Variants in CFAP61 observed in about 807,000 individuals in gnomAD.
The protein encoded by CFAP61 is cilia- and flagella-associated protein 61.
CFAP61 carries 107 observed loss-of-function variants against 135.6 expected under a neutral mutation model. The observed-to-expected ratio is 0.79, with a 90% CI of 0.67 to 0.93. CFAP61 has a LOEUF of 0.93. CFAP61 is among the 40% of genes least tolerant of loss of function. CFAP61 has a pLI of 0.00. For missense variants in CFAP61, 1,507 were observed against 1,556.2 expected (o/e 0.97, Z 0.53); for synonymous variants, 575 against 578.5 (o/e 0.99, Z 0.09).
At chr20:20,083,334 G>T (rs545648258) in intron 6 of CFAP61, among the ~76,000 whole-genome samples, 2 of 151,844 alleles carry the variant, frequency 1.3e-5, no homozygotes, top group Admixed American at 1.3e-4. Flanking sequence ...GACCGTGGGG[G>T]CTGGGGAGGG....
At chr20:20,191,772 C>T (rs933201891) in intron 15 of CFAP61, among the ~76,000 whole-genome samples, 2 of 150,778 alleles carry the variant, frequency 1.3e-5, no homozygotes, top group Non-Finnish European at 2.9e-5. Context: ...CTTCTTTGCA[C>T]TTTATTACAT....
intron 7 of CFAP61, among the ~76,000 whole-genome samples, chr20:20,092,237 G>T (rs2047253880): frequency 6.6e-6 from 1 of 152,160 alleles, no homozygotes; most frequent in African/African-American, 2.4e-5. Flanking sequence ...CTCATGATTT[G>T]ATTCAAGTTA....
chr20:20,157,281 C>G (rs920292808), intron 9 of CFAP61, among the ~76,000 whole-genome samples: 2 of 152,098 alleles, frequency 1.3e-5, no homozygotes, highest in African/African-American at 2.4e-5. Flanking sequence ...CTATGTTGGC[C>G]AGGCTGGTCT....
intron 17 of CFAP61, among the ~76,000 whole-genome samples, chr20:20,205,029 AT>A (rs2056797196): frequency 6.6e-6 from 1 of 152,010 alleles, no homozygotes; most frequent in South Asian, 2.1e-4. Flanking sequence ...TTCTGTGGCC[AT>A]TTCTTTCCAA....
intron 12 of CFAP61, among the ~76,000 whole-genome samples, chr20:20,168,223 C>A (rs2053972098): frequency 1.3e-5 from 2 of 151,904 alleles, no homozygotes; most frequent in African/African-American, 4.8e-5. Flanking sequence ...CCACCATGCC[C>A]AGCTAATTAA....
At chr20:20,121,208 C>A (rs1174148021) in intron 8 of CFAP61, among the ~76,000 whole-genome samples, 9 of 147,662 alleles carry the variant, frequency 6.1e-5, no homozygotes, top group Non-Finnish European at 1.3e-4. Context: ...CAGGCTCAAG[C>A]AATCCTCCCA....
At chr20:20,281,826 C>G (rs191005154) in intron 22 of CFAP61, among the ~76,000 whole-genome samples, 1 of 152,164 alleles carries the variant, frequency 6.6e-6, no homozygotes, top group East Asian at 1.9e-4. Context: ...AAAGTTTGTG[C>G]AAGATTGGTA....
chr20:20,091,736 G>A (rs1466640179), intron 7 of CFAP61, among the ~76,000 whole-genome samples: 6 of 152,168 alleles, frequency 3.9e-5, no homozygotes, highest in Non-Finnish European at 8.8e-5. Context: ...GGAGTGCACT[G>A]TCATGATCTC....
intron 25 of CFAP61, among the ~76,000 whole-genome samples, chr20:20,314,885 C>T (rs1601961045): frequency 7.4e-6 from 1 of 135,542 alleles, no homozygotes; most frequent in African/African-American, 3.0e-5. Flanking sequence ...TTTATGGCTG[C>T]ATAGTATTCC....
intron 1 of CFAP61, chr20:20,056,008 C>T (rs1351158586): frequency 6.2e-7 from 1 of 1,607,066 alleles, no homozygotes; most frequent in Non-Finnish European, 8.5e-7. Flanking sequence ...TCCACTGTTG[C>T]CGTCATTAGA....
At chr20:20,066,628 G>A (rs1017445791) in intron 2 of CFAP61, among the ~76,000 whole-genome samples, 1 of 152,034 alleles carries the variant, frequency 6.6e-6, no homozygotes, top group African/African-American at 2.4e-5. Context: ...GTTGTACAAT[G>A]AGAACACATG....
intron 4 of CFAP61, 43 bp from the exon 5 acceptor site, chr20:20,075,146 T>A: frequency 6.3e-7 from 1 of 1,580,730 alleles, no homozygotes. Context: ...CTGATGGGAT[T>A]GCTTTGTTAG....
intron 24 of CFAP61, among the ~76,000 whole-genome samples, chr20:20,295,467 A>T (rs1256090029): frequency 1.3e-5 from 2 of 151,898 alleles, no homozygotes; most frequent in Admixed American, 1.3e-4. Context: ...TGCAGGAGCC[A>T]CCCCTCCTCA....
At chr20:20,191,759 A>G (rs1161532036) in intron 15 of CFAP61, among the ~76,000 whole-genome samples, 1 of 151,758 alleles carries the variant, frequency 6.6e-6, no homozygotes, top group Non-Finnish European at 1.5e-5. Context: ...ACCTTCCAGC[A>G]TTCTTCTTTG....
rs561748537 is a variant in CFAP61 at position 20,224,506 on chromosome 20, C to A, written c.1933-3743C>A. The stretch of plus-strand genomic sequence containing the variant: ...TCAACTTTAAGGAATTTTTTTTTAG[C>A]CTTAAAAGGTTAGCTTATACACCAT... On this transcript the variant is annotated intron_variant, in intron 17 of 26. Transcript: ENST00000245957. Among the ~76,000 whole-genome samples, 335 of 151,944 alleles carry A rather than the reference C, an allele frequency of 2.2e-3. 2 individuals carry two copies. The highest frequency in any genetic ancestry group is 7.9e-3 in the African/African-American group (328 of 41,418).
At position 20,075,540 on chromosome 20, in the gene CFAP61, C is replaced by T. The variant is rs1366161478; in HGVS notation, c.491C>T (p.Thr164Met). 3.0e-5 allele frequency: 49 copies of T among 1,614,030 alleles called. No homozygotes were observed. The highest frequency in any genetic ancestry group is 4.2e-5 in the Non-Finnish European group (49 of 1,179,888). The change falls in exon 6 of 27, where the codon ACG (threonine) becomes ATG (methionine). Residue 164 changes from threonine to methionine, a missense_variant. Thr to Met is a moderately conservative substitution (Grantham distance 81). Coordinates refer to ENST00000245957, the MANE Select transcript of CFAP61 (RefSeq NM_015585.4). ...FDQVGNIPCL[T>M]YEEDFAVHIC... ...CAAGTGGGGAACATCCCGTGTCTGA[C>T]GTATGAGGAAGACTTTGCAGTGCAT...
At chr20:20,060,882 G>A (rs905773754) in intron 2 of CFAP61, among the ~76,000 whole-genome samples, 2 of 152,180 alleles carry the variant, frequency 1.3e-5, no homozygotes, top group East Asian at 3.8e-4. Flanking sequence ...TGAGCTCCCC[G>A]CTAGCAACTG....
At chr20:20,115,864 A>C (rs2049104243) in intron 8 of CFAP61, among the ~76,000 whole-genome samples, 1 of 152,186 alleles carries the variant, frequency 6.6e-6, no homozygotes, top group East Asian at 1.9e-4. Flanking sequence ...GCTTGATTCC[A>C]TATTTTGGCT....
intron 8 of CFAP61, chr20:20,107,886 C>G (rs2048523218): frequency 6.6e-6 from 1 of 152,184 alleles, no homozygotes; most frequent in African/African-American, 2.4e-5. Flanking sequence ...CTTGGCCTCC[C>G]AAAGTGCTGG....
Sources: allele counts gnomAD v4.1 joint callset (sites outside exome capture counted in the v4.1 genomes callset), GRCh38; gene constraint gnomAD v4.1.1; transcripts MANE v1.5; gene names NCBI Gene and HGNC (gene_info 2026-07-23, HGNC 2026-07-21).